PDE8B: variants seen among roughly 807,000 people sequenced by gnomAD.
PDE8B encodes the protein high affinity cAMP-specific and IBMX-insensitive 3',5'-cyclic phosphodiesterase 8B.
A neutral mutation model predicts 101.3 loss-of-function variants in PDE8B; 26 were observed. The ratio of observed to expected loss-of-function variants is 0.26; its 90% confidence interval spans 0.19 to 0.36. The LOEUF is 0.36. Among genes scored for constraint, PDE8B ranks in the 10% least tolerant of loss-of-function variants. PDE8B has a pLI of 1.00. For synonymous variants in PDE8B, 424 were observed against 429.3 expected, an observed-to-expected ratio of 0.99 and a Z score of 0.15; for missense variants, 810 against 1,163.1, an observed-to-expected ratio of 0.70 and a Z score of 4.42.
intron 10 of PDE8B, among the ~76,000 whole-genome samples, chr5:77,380,615 C>T (rs146981412): frequency 2.0e-5 from 3 of 152,316 alleles, no homozygotes; most frequent in African/African-American, 7.2e-5. Flanking sequence ...AGGCAAACAG[C>T]CTGGTCAATC....
At chr5:77,389,400 C>G (rs1354010639) in intron 10 of PDE8B, among the ~76,000 whole-genome samples, 1 of 152,164 alleles carries the variant, frequency 6.6e-6, no homozygotes, top group Non-Finnish European at 1.5e-5. Flanking sequence ...TGGGCTGCAC[C>G]CACTGCCCAA....
chr5:77,197,681 A>G, the PDE8B span, among the ~76,000 whole-genome samples: 3 of 91,108 alleles, frequency 3.3e-5, no homozygotes, highest in Non-Finnish European at 6.0e-5. Context: ...CTAGCGGTCT[A>G]TCAATTTAGT....
the PDE8B span, among the ~76,000 whole-genome samples, chr5:77,183,477 CAGCTAGTAGGTGGTGG>C: frequency 6.6e-6 from 1 of 152,152 alleles, no homozygotes; most frequent in African/African-American, 2.4e-5. Flanking sequence ...TTAGATGACA[CAGCTAGTAGGTGGTGG>C]AGCTGAACCA....
At chr5:77,384,310 A>C (rs889103851) in intron 10 of PDE8B, among the ~76,000 whole-genome samples, 2 of 152,028 alleles carry the variant, frequency 1.3e-5, no homozygotes, top group African/African-American at 4.8e-5. Flanking sequence ...AATGCTTGTG[A>C]TTTTTGCACA....
intron 1 of PDE8B, among the ~76,000 whole-genome samples, chr5:77,246,271 T>G (rs909098952): frequency 6.6e-6 from 1 of 152,338 alleles, no homozygotes; most frequent in African/African-American, 2.4e-5. Context: ...CTACAAATGA[T>G]TGTGCCATTC....
At chr5:77,378,374 G>A (rs1374766308) in intron 10 of PDE8B, among the ~76,000 whole-genome samples, 2 of 144,010 alleles carry the variant, frequency 1.4e-5, no homozygotes, top group African/African-American at 5.1e-5. Flanking sequence ...CAGGAGAATC[G>A]CTTGAACCCA....
intron 11 of PDE8B, among the ~76,000 whole-genome samples, chr5:77,403,605 A>T (rs1405840675): frequency 6.6e-6 from 1 of 152,096 alleles, no homozygotes; most frequent in Non-Finnish European, 1.5e-5. Flanking sequence ...AGATAATTTT[A>T]AAAATATATA....
chr5:77,166,226 T>TAAAAA, the PDE8B span, among the ~76,000 whole-genome samples: 20 of 116,362 alleles, frequency 1.7e-4, no homozygotes, highest in Non-Finnish European at 2.3e-4. Context: ...TCGGTAAAGA[T>TAAAAA]AAAAAAAAAA....
intron 1 of PDE8B, among the ~76,000 whole-genome samples, chr5:77,276,853 T>C (rs962974819): frequency 6.6e-6 from 1 of 152,188 alleles, no homozygotes; most frequent in African/African-American, 2.4e-5. Context: ...CACTGTGAAG[T>C]GTCCTTACAG....
chr5:77,151,754 C>G, the PDE8B span: 1 of 152,240 alleles, frequency 6.6e-6, no homozygotes, highest in Non-Finnish European at 1.5e-5. Context: ...CCACCACTCC[C>G]CACTGTCTCT....
At chr5:77,194,582 G>A in the PDE8B span, among the ~76,000 whole-genome samples, 7 of 152,000 alleles carry the variant, frequency 4.6e-5, no homozygotes, top group East Asian at 9.6e-4. Flanking sequence ...ATGACCATTC[G>A]GCAGTCACTT....
upstream of PDE8B, among the ~76,000 whole-genome samples, chr5:77,206,908 C>G (rs1300422374): frequency 1.3e-5 from 2 of 152,170 alleles, no homozygotes; most frequent in African/African-American, 4.8e-5. Flanking sequence ...GCAAAAATTT[C>G]ACAGCATTCT....
chr5:77,152,883 C>T, the PDE8B span, among the ~76,000 whole-genome samples: 1 of 152,090 alleles, frequency 6.6e-6, no homozygotes, highest in Admixed American at 6.6e-5. Flanking sequence ...GAGAGAATCT[C>T]CTGCTTATTT....
intron 1 of PDE8B, among the ~76,000 whole-genome samples, chr5:77,272,201 T>C (rs1205815468): frequency 2.6e-5 from 4 of 152,178 alleles, no homozygotes; most frequent in Non-Finnish European, 5.9e-5. Flanking sequence ...GGGAATGTGA[T>C]GGAATGTATT....
intron 19 of PDE8B, among the ~76,000 whole-genome samples, chr5:77,421,343 A>C (rs116973710): frequency 6.6e-6 from 1 of 152,210 alleles, no homozygotes; most frequent in Non-Finnish European, 1.5e-5. Flanking sequence ...GATGGTAGGC[A>C]TAAGTAGTAG....
upstream of PDE8B, among the ~76,000 whole-genome samples, chr5:77,209,466 T>TA (rs1019654588): frequency 1.3e-5 from 2 of 152,210 alleles, no homozygotes; most frequent in Non-Finnish European, 2.9e-5. Context: ...CAACTCTAGA[T>TA]AAAATCCTTT....
At chr5:77,297,104 G>T (rs181588868) in intron 1 of PDE8B, among the ~76,000 whole-genome samples, 1 of 152,252 alleles carries the variant, frequency 6.6e-6, no homozygotes, top group East Asian at 1.9e-4. Context: ...AAGGGCAAGT[G>T]AGTGTGGGAG....
chr5:77,252,908 G>A (rs1326170361), intron 1 of PDE8B, among the ~76,000 whole-genome samples: 1 of 152,092 alleles, frequency 6.6e-6, no homozygotes, highest in Admixed American at 6.6e-5. Context: ...TTCCATTGAG[G>A]TCACTTTTTT....
intron 1 of PDE8B, among the ~76,000 whole-genome samples, chr5:77,282,391 C>T (rs1379344347): frequency 6.6e-6 from 1 of 152,048 alleles, no homozygotes; most frequent in Admixed American, 6.5e-5. Context: ...CAATCTGGCT[C>T]TCAGCCCCCA....
Sources: allele counts gnomAD v4.1 joint callset (sites outside exome capture counted in the v4.1 genomes callset), GRCh38; gene constraint gnomAD v4.1.1; transcripts MANE v1.5; gene names NCBI Gene and HGNC (gene_info 2026-07-23, HGNC 2026-07-21).